Variants in PGR observed in about 807,000 individuals in gnomAD.
PGR encodes the protein nuclear receptor subfamily 3 group C member 3.
Under a neutral mutation model 76.1 loss-of-function variants are expected in PGR, and 25 were observed. That is an observed-to-expected ratio of 0.33 (90% CI 0.24 to 0.46). PGR has a LOEUF of 0.46. PGR is among the 20% of genes least tolerant of loss of function. PGR has a pLI of 1.00. For missense variants in PGR, 1,172 were observed against 1,225.3 expected, an observed-to-expected ratio of 0.96 and a Z score of 0.65; for synonymous variants, 579 against 535.0, an observed-to-expected ratio of 1.08 and a Z score of -1.14.
At chr11:101,060,879 G>A (rs922478577) in intron 4 of PGR, among the ~76,000 whole-genome samples, 1 of 152,062 alleles carries the variant, frequency 6.6e-6, no homozygotes, top group Non-Finnish European at 1.5e-5. Context: ...GGTTGTGTGG[G>A]GGTCAAAAAG....
chr11:101,051,381 A>C, intron 5 of PGR, 43 bp downstream of exon 5: 1 of 1,317,806 alleles, frequency 7.6e-7, no homozygotes, highest in Non-Finnish European at 1.1e-6. Flanking sequence ...ATTATCCTAC[A>C]TGTACACTTA....
At chr11:101,055,600 C>G (rs12273103) in intron 4 of PGR, among the ~76,000 whole-genome samples, 5,829 of 151,958 alleles carry the variant, frequency 0.038, 352 homozygotes, top group African/African-American at 0.13. Context: ...AAATATTTGA[C>G]TTAACTATGC....
At position 101,036,177 on chromosome 11, in the gene PGR, C is replaced by T. The variant is rs976902300; in HGVS notation, c.*2939G>A. 1 of 220,326 alleles carries T rather than the reference C, an allele frequency of 4.5e-6. No individual in the cohort carries two copies. The allele number at this position is 220,326 out of a possible 1,614,324, so 13.6% of individuals were successfully genotyped here. On this transcript the variant is annotated 3_prime_UTR_variant, in exon 8 of 8. Transcript: ENST00000325455. ...CAGGTTGACATTCCATGGCTACTTACAAGGCATAGTTTTGGCAAAAAAAAT... is the reference window on the plus strand; with the variant it reads ...CAGGTTGACATTCCATGGCTACTTATAAGGCATAGTTTTGGCAAAAAAAAT...
chr11:101,045,625 C>T (rs1859845335), intron 6 of PGR, among the ~76,000 whole-genome samples: 1 of 151,890 alleles, frequency 6.6e-6, no homozygotes. Flanking sequence ...CTGCAAAAGA[C>T]ACACTTTCAT....
intron 5 of PGR, 61 bp downstream of exon 5, chr11:101,051,363 C>T: frequency 9.0e-7 from 1 of 1,116,194 alleles, no homozygotes; most frequent in Non-Finnish European, 1.4e-6. Flanking sequence ...TGAAATATAA[C>T]TTTCAAAATT....
rs576168049 is a variant in PGR at position 101,117,603 on chromosome 11, C to G, written c.1789+8404G>C. ...ATCATCTTTCCATACTTTTAGGTTT[C>G]TTTTCTTCAAATAAAAAAAAAATTA... On this transcript the variant is annotated intron_variant, in intron 2 of 7. Transcript: ENST00000325455. Among the ~76,000 whole-genome samples, 55 of 151,870 alleles carry G rather than the reference C, an allele frequency of 3.6e-4. 1 individual carries two copies. The highest frequency in any genetic ancestry group is 3.3e-3 in the Admixed American group (51 of 15,252).
chr11:101,115,414 T>C (rs972284006), intron 2 of PGR, among the ~76,000 whole-genome samples: 1 of 152,134 alleles, frequency 6.6e-6, no homozygotes, highest in Admixed American at 6.5e-5. Context: ...AGTTAGGTAA[T>C]ATGGCTTATT....
chr11:101,106,784 T>C (rs895633383), intron 2 of PGR, among the ~76,000 whole-genome samples: 1 of 152,204 alleles, frequency 6.6e-6, no homozygotes, highest in Non-Finnish European at 1.5e-5. Flanking sequence ...ACTGAAGCAC[T>C]ATTCACAATA....
Position 101,129,146 on chromosome 11 carries a change from T to C in PGR, c.-76A>G. 4 of 1,204,720 alleles carry C rather than the reference T, an allele frequency of 3.3e-6. No homozygotes were observed. The South Asian group carries it at 6.5e-5, about 20-fold the overall frequency. The allele number at this position is 1,204,720 out of a possible 1,614,324, so 74.6% of individuals were successfully genotyped here. A position where few individuals can be genotyped will look rare whatever the true frequency, so the allele number is the denominator to read the frequency against. On this transcript the variant is annotated 5_prime_UTR_variant, in exon 1 of 8. The change creates a new upstream start codon in the 5' untranslated region. Coordinates refer to ENST00000325455, the MANE Select transcript of PGR (RefSeq NM_000926.4). ...GGGAAGGAGGAGGGGGTTTCGGGAA[T>C]ATAGGGGCAGAGGGAGGAGAAAGTG...
At chr11:101,122,170 A>AAAAAAT (rs1555067016) in intron 2 of PGR, among the ~76,000 whole-genome samples, 1 of 13,638 alleles carries the variant, frequency 7.3e-5, no homozygotes. Flanking sequence ...AAAAAAAAAA[A>AAAAAAT]GTGAGCATAA....
Position 101,037,134 on chromosome 11 carries a change from G to C in PGR, c.*1982C>G, listed in dbSNP as rs1436699503. The C allele has an allele frequency of 5.0e-6, 1 of 201,662 alleles. No individual in the cohort carries two copies. Among genetic ancestry groups the C allele is most frequent in the East Asian group, 7.7e-5 (1 of 13,016 alleles). The allele number at this position is 201,662 out of a possible 1,614,324, so 12.5% of individuals were successfully genotyped here. A position where few individuals can be genotyped will look rare whatever the true frequency, so the allele number is the denominator to read the frequency against. ...CATTTGTGGGGAAAATATATTGAAA[G>C]CCTTTTCAATAAGATTTAATGCAAA... On this transcript the variant is annotated 3_prime_UTR_variant, in exon 8 of 8. Coordinates refer to ENST00000325455, the MANE Select transcript of PGR (RefSeq NM_000926.4).
intron 3 of PGR, among the ~76,000 whole-genome samples, chr11:101,085,507 C>A (rs1861462586): frequency 1.0e-5 from 1 of 95,826 alleles, no homozygotes; most frequent in East Asian, 3.5e-4. Context: ...AATGACCTAA[C>A]ATCACACCTA....
At chr11:101,125,797 CAA>C (rs756762552) in intron 2 of PGR, among the ~76,000 whole-genome samples, 2 of 152,060 alleles carry the variant, frequency 1.3e-5, no homozygotes, top group Non-Finnish European at 2.9e-5. Flanking sequence ...AAGTGTTAGT[CAA>C]AGAGTATGCA....
chr11:101,041,787 A>C, intron 7 of PGR, 158 bp downstream of exon 7: 1 of 644,698 alleles, frequency 1.6e-6, no homozygotes, highest in Non-Finnish European at 2.7e-6. Context: ...ATGAAAAAAA[A>C]ACACAATAAA....
chr11:101,093,280 T>A (rs1861730226), intron 2 of PGR, among the ~76,000 whole-genome samples: 1 of 152,002 alleles, frequency 6.6e-6, no homozygotes, highest in Admixed American at 6.6e-5. Context: ...GTTAGCAGAG[T>A]GTACTGCATA....
chr11:101,068,530 T>C (rs1320701781), intron 3 of PGR, among the ~76,000 whole-genome samples: 1 of 152,124 alleles, frequency 6.6e-6, no homozygotes, highest in Non-Finnish European at 1.5e-5. Flanking sequence ...TTAAATTTCA[T>C]ATGGAACCAA....
chr11:101,032,383 TTGTGC>T lies in PGR; in HGVS notation c.*6728_*6732del, dbSNP rs1411165105. ...GAGTCTTCTAAAATATTCATATGAA[TTGTGC>T]TGCTTTCCTGTTTACAACAGAATCA... On this transcript the variant is annotated 3_prime_UTR_variant, in exon 8 of 8. Transcript: ENST00000325455. The T allele has an allele frequency of 3.4e-5, 8 of 232,536 alleles. No homozygotes were observed. Among genetic ancestry groups the T allele is most frequent in the African/African-American group, 6.6e-5 (3 of 45,310 alleles). The allele number at this position is 232,536 out of a possible 1,614,324, so 14.4% of individuals were successfully genotyped here. A position where few individuals can be genotyped will look rare whatever the true frequency, so the allele number is the denominator to read the frequency against.
intron 4 of PGR, among the ~76,000 whole-genome samples, chr11:101,058,104 A>G (rs552916): frequency 0.71 from 108,021 of 151,978 alleles, 39,280 homozygotes; most frequent in East Asian, 1. Flanking sequence ...CCTGGAAGGG[A>G]AGTGACAAAT....
chr11:101,054,199 T>C (rs1271147707), intron 4 of PGR, among the ~76,000 whole-genome samples: 1 of 152,140 alleles, frequency 6.6e-6, no homozygotes, highest in East Asian at 1.9e-4. Flanking sequence ...TTTTTCTTTT[T>C]CTTTTGTTTT....
Sources: gnomAD v4.1 joint callset for allele counts (sites outside exome capture counted in the v4.1 genomes callset) on GRCh38, gnomAD v4.1.1 for gene constraint, MANE v1.5 for transcripts, NCBI Gene and HGNC (gene_info 2026-07-23, HGNC 2026-07-21) for gene names.